The following ACTR3B variants were observed in gnomAD, a reference collection of about 807,000 sequenced individuals.
The protein encoded by ACTR3B is actin-related protein 3B.
A neutral mutation model predicts 59.0 loss-of-function variants in ACTR3B; 8 were observed. The observed-to-expected ratio is 0.14, with a 90% CI of 0.08 to 0.24. The LOEUF (loss-of-function observed/expected upper bound fraction) is 0.24. ACTR3B is among the 10% of genes least tolerant of loss of function. The probability of loss-of-function intolerance (pLI) is 1.00; values close to 1 mark genes in which losing one functional copy is unlikely to be tolerated. For missense variants in ACTR3B, 245 were observed against 552.3 expected (o/e 0.44, Z 5.58); for synonymous variants, 148 against 197.9 (o/e 0.75, Z 2.12).
At chr7:152,828,457 C>T (rs1796755976) in intron 9 of ACTR3B, among the ~76,000 whole-genome samples, 1 of 152,290 alleles carries the variant, frequency 6.6e-6, no homozygotes, top group African/African-American at 2.4e-5. Context: ...CGGTGCACTC[C>T]CTGCTACGCT....
intron 2 of ACTR3B, among the ~76,000 whole-genome samples, chr7:152,789,322 A>G (rs1472662557): frequency 6.7e-6 from 1 of 148,846 alleles, no homozygotes; most frequent in Non-Finnish European, 1.5e-5. Context: ...AGCCCAGGAG[A>G]TCGAGGCTGG....
chr7:152,853,485 C>A lies in ACTR3B; in HGVS notation c.1078-9C>A. ...GTGTGGGGTAAGTGAGAGCTGCTTTCTCTTCCAGCCGAAGCCTGTGGAGGT... is the reference window on the plus strand; with the variant it reads ...GTGTGGGGTAAGTGAGAGCTGCTTTATCTTCCAGCCGAAGCCTGTGGAGGT... On this transcript the variant is annotated splice_polypyrimidine_tract_variant and intron_variant, in intron 10 of 11. Coordinates refer to ENST00000256001, the MANE Select transcript of ACTR3B (RefSeq NM_020445.6). 1 of 1,613,558 alleles carries A rather than the reference C, an allele frequency of 6.2e-7. No individual in the cohort carries two copies. Among genetic ancestry groups the A allele is most frequent in the Non-Finnish European group, 8.5e-7 (1 of 1,179,746 alleles).
chr7:152,802,094 T>C (rs1469356804), intron 4 of ACTR3B, among the ~76,000 whole-genome samples: 1 of 151,980 alleles, frequency 6.6e-6, no homozygotes, highest in Non-Finnish European at 1.5e-5. Context: ...GATAGAAGAT[T>C]TCCCTTGCAC....
At chr7:152,792,378 CCTT>C (rs1293188425) in intron 2 of ACTR3B, among the ~76,000 whole-genome samples, 8 of 152,026 alleles carry the variant, frequency 5.3e-5, no homozygotes, top group Admixed American at 1.3e-4. Context: ...TACTCAAATT[CCTT>C]CTTTTATCAT....
chr7:152,839,087 G>A (rs1476684591), intron 9 of ACTR3B, among the ~76,000 whole-genome samples: 1 of 150,786 alleles, frequency 6.6e-6, no homozygotes, highest in Non-Finnish European at 1.5e-5. Context: ...TAGACGGTGA[G>A]CAGTGCCAAG....
At chr7:152,767,737 A>G (rs1410629550) in intron 1 of ACTR3B, among the ~76,000 whole-genome samples, 1 of 152,100 alleles carries the variant, frequency 6.6e-6, no homozygotes, top group Non-Finnish European at 1.5e-5. Context: ...TTTTGCTATC[A>G]TAAATGGTGC....
chr7:152,773,246 A>G (rs1008333387), intron 1 of ACTR3B, among the ~76,000 whole-genome samples: 2 of 151,614 alleles, frequency 1.3e-5, no homozygotes, highest in African/African-American at 4.8e-5. Flanking sequence ...GTAGTTACAT[A>G]TAAGTCATTC....
chr7:152,787,852 T>C (rs1027048670), intron 2 of ACTR3B, among the ~76,000 whole-genome samples: 1 of 152,038 alleles, frequency 6.6e-6, no homozygotes, highest in African/African-American at 2.4e-5. Flanking sequence ...CTTTGGCTCT[T>C]ACTCTTTAGT....
intron 1 of ACTR3B, among the ~76,000 whole-genome samples, chr7:152,777,381 T>C (rs2098138689): frequency 6.6e-6 from 1 of 152,188 alleles, no homozygotes; most frequent in Admixed American, 6.5e-5. Context: ...GTTTGTCTGC[T>C]TGTATGTAGA....
chr7:152,822,503 C>A (rs978985999), intron 7 of ACTR3B, among the ~76,000 whole-genome samples: 3 of 152,378 alleles, frequency 2.0e-5, no homozygotes, highest in Admixed American at 6.5e-5. Flanking sequence ...TTAGCGACTT[C>A]TCTCGCAGCA....
chr7:152,852,349 G>C, intron 10 of ACTR3B, 98 bp downstream of exon 10: 2 of 1,428,630 alleles, frequency 1.4e-6, no homozygotes, highest in Non-Finnish European at 1.9e-6. Flanking sequence ...TCTGGGCCGC[G>C]TAAAATAAAA....
At chr7:152,823,046 T>C (rs1252851557) in intron 7 of ACTR3B, among the ~76,000 whole-genome samples, 2 of 152,200 alleles carry the variant, frequency 1.3e-5, no homozygotes, top group Non-Finnish European at 2.9e-5. Flanking sequence ...AGGTGCTTTC[T>C]AGACACCTGT....
In ACTR3B at chr7:152,804,050, C is replaced by T. The variant is rs2098244718; in HGVS notation, c.336+2319C>T. ...GCCCAAATGATGGACCCCACAGGAG[C>T]TCACAGAATTATCCTTTCTGATGGC... On this transcript the variant is annotated intron_variant, in intron 4 of 11. Coordinates refer to ENST00000256001, the MANE Select transcript of ACTR3B (RefSeq NM_020445.6). Among the ~76,000 whole-genome samples the T allele has an allele frequency of 2.0e-5, 3 of 152,278 alleles. No homozygotes were observed. The South Asian group carries it at 6.2e-4, about 32-fold the overall frequency.
intron 9 of ACTR3B, among the ~76,000 whole-genome samples, chr7:152,827,615 C>T (rs1420431277): frequency 1.3e-5 from 2 of 151,376 alleles, no homozygotes; most frequent in African/African-American, 2.4e-5. Context: ...TGTGGCTGCC[C>T]TTCTGGAACA....
chr7:152,765,470 A>T (rs1590188215), intron 1 of ACTR3B, among the ~76,000 whole-genome samples: 1 of 149,268 alleles, frequency 6.7e-6, no homozygotes, highest in East Asian at 2.0e-4. Context: ...GCATTGTTAC[A>T]GGAAGTCCCT....
intron 9 of ACTR3B, among the ~76,000 whole-genome samples, chr7:152,832,602 C>T (rs896520555): frequency 3.9e-5 from 6 of 152,152 alleles, no homozygotes; most frequent in Non-Finnish European, 7.3e-5. Flanking sequence ...TGGTCTTGAA[C>T]TCCTGGGCTC....
At chr7:152,822,336 C>A (rs2689595) in intron 7 of ACTR3B, among the ~76,000 whole-genome samples, 1 of 151,776 alleles carries the variant, frequency 6.6e-6, no homozygotes, top group African/African-American at 2.4e-5. Context: ...TCGTGCTTCC[C>A]GTAGGCAGCA....
At chr7:152,795,041 T>TG (rs2098211524) in intron 2 of ACTR3B, among the ~76,000 whole-genome samples, 1 of 151,398 alleles carries the variant, frequency 6.6e-6, no homozygotes, top group Non-Finnish European at 1.5e-5. Context: ...ACTCTCTTTT[T>TG]TTTTTTTTTT....
At chr7:152,779,485 T>G (rs1159461627) in intron 1 of ACTR3B, among the ~76,000 whole-genome samples, 3 of 152,224 alleles carry the variant, frequency 2.0e-5, no homozygotes, top group African/African-American at 7.2e-5. Flanking sequence ...CTATCCTCAG[T>G]CTGAGTATGG....
Sources: allele counts gnomAD v4.1 joint callset (sites outside exome capture counted in the v4.1 genomes callset), GRCh38; gene constraint gnomAD v4.1.1; transcripts MANE v1.5; gene names NCBI Gene and HGNC (gene_info 2026-07-23, HGNC 2026-07-21).